VPS26A: variants seen among roughly 807,000 people sequenced by gnomAD.
VPS26A encodes VPS26 retromer complex component A, also known as vacuolar protein sorting-associated protein 26A.
VPS26A carries 22 observed loss-of-function variants against 42.4 expected under a neutral mutation model. The ratio of observed to expected loss-of-function variants is 0.52; its 90% confidence interval spans 0.37 to 0.74. VPS26A has a LOEUF of 0.74. Ranked by LOEUF, VPS26A falls within the 30% of genes least tolerant of loss-of-function variation. VPS26A has a pLI of 0.00. For missense variants in VPS26A, 276 were observed against 379.2 expected (o/e 0.73, Z 2.26); for synonymous variants, 110 against 123.5 (o/e 0.89, Z 0.73).
chr10:69,130,572 T>C (rs1172418492), intron 1 of VPS26A, among the ~76,000 whole-genome samples: 1 of 152,180 alleles, frequency 6.6e-6, no homozygotes, highest in Non-Finnish European at 1.5e-5. Flanking sequence ...AAAATAACTA[T>C]GAAAAAGTAC....
At chr10:69,144,730 CTT>C (rs144626294) in intron 2 of VPS26A, among the ~76,000 whole-genome samples, 1,707 of 151,326 alleles carry the variant, frequency 0.011, 44 homozygotes, top group African/African-American at 0.039. Flanking sequence ...CTAGTTGACT[CTT>C]TTTCTCTTAT....
rs1645006634 is a variant in VPS26A, at chr10:69,171,965, A to C, written c.*696A>C. ...TTATGGCCTTCTTTTTTTTGGCCAT[A>C]TTAAGTAACAGTTTTGCTATATTCC... On this transcript the variant is annotated 3_prime_UTR_variant, in exon 9 of 9. Coordinates refer to ENST00000263559, the MANE Select transcript of VPS26A (RefSeq NM_004896.5). 2 of 152,094 alleles carry C rather than the reference A, an allele frequency of 1.3e-5. No individual in the cohort carries two copies. Among genetic ancestry groups the C allele is most frequent in the Non-Finnish European group, 2.9e-5 (2 of 68,030 alleles). 9.4% of individuals were successfully genotyped at this position (152,094 alleles called of 1,614,324 possible).
rs571829718 is a variant in VPS26A at position 69,126,178 on chromosome 10, T to G, written c.3+1898T>G. ...GTAGTATTTTTGCACTTAAAAGATC[T>G]CACGGGGTGCGGTGGCTCACACCTG... is the stretch of plus-strand genomic sequence containing the variant. On this transcript the variant is annotated intron_variant, in intron 1 of 8. Transcript: ENST00000263559. 6.6e-5 allele frequency among the ~76,000 whole-genome samples: 10 copies of G among 152,260 alleles called. No homozygotes were observed. The South Asian group carries it at 2.1e-3, about 31-fold the overall frequency.
chr10:69,132,727 G>A (rs935638910), intron 1 of VPS26A, among the ~76,000 whole-genome samples, 171 bp from the exon 2 acceptor site: 1 of 152,178 alleles, frequency 6.6e-6, no homozygotes, highest in African/African-American at 2.4e-5. Flanking sequence ...ACAGGCGTGA[G>A]ACACCATGCC....
At chr10:69,160,480 G>A (rs554535609) in intron 5 of VPS26A, among the ~76,000 whole-genome samples, 118 of 138,010 alleles carry the variant, frequency 8.6e-4, no homozygotes, top group Admixed American at 4.1e-3. Context: ...TTTGGAGTCG[G>A]AATCTCTGTC....
rs1460224437 is a variant in VPS26A at position 69,158,212 on chromosome 10, G to GT, written c.551+2dup. 6.3e-7 allele frequency: 1 copy of GT among 1,577,070 alleles called. No individual in the cohort carries two copies. Among genetic ancestry groups the GT allele is most frequent in the African/African-American group, 1.4e-5 (1 of 73,022 alleles). ...TAGAATTTGAATATAATAAATCAAAGTAAGTATCATTCACAGATAAGTTGT... is the reference window on the plus strand; with the variant it reads ...TAGAATTTGAATATAATAAATCAAAGTTAAGTATCATTCACAGATAAGTTGT... On this transcript the variant is annotated splice_donor_variant, in intron 5 of 8. Transcript: ENST00000263559. LOFTEE classifies it high-confidence loss of function.
intron 2 of VPS26A, among the ~76,000 whole-genome samples, chr10:69,147,081 C>G (rs923653765): frequency 2.1e-4 from 32 of 152,320 alleles, no homozygotes; most frequent in African/African-American, 5.8e-4. Flanking sequence ...CTTGGCAACA[C>G]TTACTAATAT....
chr10:69,136,411 C>T (rs886712271), intron 2 of VPS26A, among the ~76,000 whole-genome samples: 7 of 151,776 alleles, frequency 4.6e-5, no homozygotes, highest in South Asian at 2.1e-4. Context: ...ATTACAGGCA[C>T]GCGCCACGAC....
chr10:69,158,265 C>T, intron 5 of VPS26A, 54 bp downstream of exon 5: 1 of 1,417,542 alleles, frequency 7.1e-7, no homozygotes, highest in Non-Finnish European at 9.4e-7. Context: ...ATTAACTTTT[C>T]AGGTGTTTGT....
At chr10:69,157,908 G>T in intron 4 of VPS26A, 139 bp from the exon 5 acceptor site, 1 of 651,214 alleles carries the variant, frequency 1.5e-6, no homozygotes, top group Admixed American at 3.7e-5. Flanking sequence ...GAACTCCTTC[G>T]TGAAGTAATG....
chr10:69,127,632 C>T (rs1366130423), intron 1 of VPS26A, among the ~76,000 whole-genome samples: 1 of 151,014 alleles, frequency 6.6e-6, no homozygotes, highest in Non-Finnish European at 1.5e-5. Context: ...ATTTATTACT[C>T]AACCTATTAC....
intron 1 of VPS26A, among the ~76,000 whole-genome samples, chr10:69,128,436 TAGTC>T (rs1292501565): frequency 2.0e-5 from 3 of 151,910 alleles, no homozygotes; most frequent in Non-Finnish European, 4.4e-5. Flanking sequence ...TTCACCGTGT[TAGTC>T]AGGATGGTCT....
chr10:69,152,216 CA>C (rs750058565), intron 2 of VPS26A, among the ~76,000 whole-genome samples: 1 of 152,098 alleles, frequency 6.6e-6, no homozygotes, highest in South Asian at 2.1e-4. Context: ...CTACAAAAAA[CA>C]AAACAAAAAC....
chr10:69,170,127 A>G (rs1841784820), intron 8 of VPS26A: 1 of 152,212 alleles, frequency 6.6e-6, no homozygotes, highest in Non-Finnish European at 1.5e-5. Context: ...TACAAAAACT[A>G]CCTTTTATAA....
chr10:69,128,249 T>G (rs1840703700), intron 1 of VPS26A, among the ~76,000 whole-genome samples: 3 of 126,066 alleles, frequency 2.4e-5, no homozygotes, highest in Non-Finnish European at 5.3e-5. Context: ...TTTTTTTTTT[T>G]GAGGCAGAAT....
intron 2 of VPS26A, among the ~76,000 whole-genome samples, chr10:69,150,740 G>T (rs1344967491): frequency 6.6e-6 from 1 of 151,998 alleles, no homozygotes. Flanking sequence ...AATGTTTAGG[G>T]GTAATGGAGC....
At chr10:69,131,133 GCAC>G (rs1840768354) in intron 1 of VPS26A, among the ~76,000 whole-genome samples, 1 of 152,066 alleles carries the variant, frequency 6.6e-6, no homozygotes, top group African/African-American at 2.4e-5. Flanking sequence ...CTGCAGGCAT[GCAC>G]CACCATGCCC....
chr10:69,156,252 C>G (rs1001382850), intron 3 of VPS26A, among the ~76,000 whole-genome samples: 3 of 151,658 alleles, frequency 2.0e-5, no homozygotes, highest in African/African-American at 7.3e-5. Context: ...TCTTCCTGAT[C>G]TAGTGTGTGC....
At chr10:69,133,087 A>G in intron 2 of VPS26A, 40 bp downstream of exon 2, 2 of 1,582,048 alleles carry the variant, frequency 1.3e-6, no homozygotes, top group Non-Finnish European at 1.7e-6. Flanking sequence ...ATTGTAAGAT[A>G]TCAGAATTAG....
Sources: allele counts gnomAD v4.1 joint callset (sites outside exome capture counted in the v4.1 genomes callset), GRCh38; gene constraint gnomAD v4.1.1; transcripts MANE v1.5; gene names NCBI Gene and HGNC (gene_info 2026-07-23, HGNC 2026-07-21).